Variants in MAGI2 observed in about 807,000 individuals in gnomAD.
MAGI2 encodes the protein membrane associated guanylate kinase, WW and PDZ domain containing 2.
MAGI2 carries 35 observed loss-of-function variants against 133.3 expected under a neutral mutation model. The observed-to-expected ratio is 0.26, with a 90% CI of 0.20 to 0.35. The LOEUF (loss-of-function observed/expected upper bound fraction) is 0.35, where lower values mean the gene tolerates loss of function less well. MAGI2 is among the 10% of genes least tolerant of loss of function. The probability of loss-of-function intolerance (pLI) is 1.00; values close to 1 mark genes in which losing one functional copy is unlikely to be tolerated. For missense variants in MAGI2, 1,636 were observed against 1,863.4 expected (o/e 0.88, Z 2.25); for synonymous variants, 729 against 710.6 (o/e 1.03, Z -0.41).
chr7:79,301,021 G>T (rs562800481), intron 1 of MAGI2, among the ~76,000 whole-genome samples: 2 of 152,250 alleles, frequency 1.3e-5, no homozygotes, highest in African/African-American at 4.8e-5. Context: ...CTTGAGGCTT[G>T]GGAGCCTCCA....
At chr7:78,925,192 G>C (rs536417233) in intron 2 of MAGI2, among the ~76,000 whole-genome samples, 5 of 152,086 alleles carry the variant, frequency 3.3e-5, no homozygotes, top group Admixed American at 3.3e-4. Flanking sequence ...CCTTGAGTTT[G>C]CAATGGCAGT....
intron 1 of MAGI2, chr7:79,353,528 G>C: frequency 2.2e-6 from 1 of 454,494 alleles, no homozygotes; most frequent in South Asian, 1.6e-5. Context: ...ATCTCCTGCA[G>C]CTATGGCCAC....
intron 9 of MAGI2, among the ~76,000 whole-genome samples, chr7:78,334,392 A>G (rs1789537012): frequency 6.6e-6 from 1 of 152,244 alleles, no homozygotes; most frequent in South Asian, 2.1e-4. Context: ...GCTATGGGAT[A>G]GAATTTCCTG....
chr7:78,626,516 C>T (rs1314545983), intron 3 of MAGI2, among the ~76,000 whole-genome samples: 1 of 152,170 alleles, frequency 6.6e-6, no homozygotes, highest in Admixed American at 6.5e-5. Context: ...GCTTCTTCCA[C>T]TGAGGCATAT....
At chr7:79,178,388 A>G (rs1200929303) in intron 1 of MAGI2, among the ~76,000 whole-genome samples, 1 of 152,020 alleles carries the variant, frequency 6.6e-6, no homozygotes. Context: ...TCCCTATGAA[A>G]GAGTGGAAAA....
chr7:78,019,416 G>C lies in MAGI2; in HGVS notation c.4267C>G (p.Pro1423Ala). 4 of 1,120,044 alleles carry C rather than the reference G, an allele frequency of 3.6e-6. No homozygotes were observed. Among genetic ancestry groups the C allele is most frequent in the Non-Finnish European group, 4.4e-6 (4 of 918,772 alleles). The allele number at this position is 1,120,044 out of a possible 1,614,324, so 69.4% of individuals were successfully genotyped here. A position where few individuals can be genotyped will look rare whatever the true frequency, so the allele number is the denominator to read the frequency against. ...RPGPRPPGGAPARKAAVAPGP... is the reference protein window; with the variant it reads ...RPGPRPPGGAAARKAAVAPGP... ...GGCGCGACGGCGGCCTTGCGCGCCG[G>C]GGCGCCCCCCGGGGGTCGCGGGCCC... The change falls in exon 22 of 22, where the codon CCG becomes GCG. Residue 1423 changes from proline to alanine, a missense_variant. Coordinates refer to ENST00000354212, the MANE Select transcript of MAGI2 (RefSeq NM_012301.4).
At chr7:79,367,693 C>T (rs1197245698) in intron 1 of MAGI2, among the ~76,000 whole-genome samples, 2 of 151,700 alleles carry the variant, frequency 1.3e-5, no homozygotes, top group African/African-American at 4.9e-5. Flanking sequence ...ATACAAGATT[C>T]TTATCCATTT....
At chr7:78,760,518 G>A (rs890484922) in intron 2 of MAGI2, among the ~76,000 whole-genome samples, 2 of 151,812 alleles carry the variant, frequency 1.3e-5, no homozygotes, top group African/African-American at 2.4e-5. Context: ...ATGCACCACC[G>A]TACCTGGCTA....
At chr7:78,356,368 G>A (rs1031824002) in intron 7 of MAGI2, among the ~76,000 whole-genome samples, 2 of 152,112 alleles carry the variant, frequency 1.3e-5, no homozygotes, top group African/African-American at 4.8e-5. Context: ...AAAGGATATA[G>A]ACTTACAGCT....
chr7:79,339,066 AG>A (rs754751312), intron 1 of MAGI2, among the ~76,000 whole-genome samples: 262 of 152,290 alleles, frequency 1.7e-3, no homozygotes, highest in Non-Finnish European at 2.7e-3. Context: ...AATAAGTACA[AG>A]GAGGAGCATG....
At chr7:78,143,704 T>C (rs1173497536) in intron 16 of MAGI2, among the ~76,000 whole-genome samples, 1 of 152,154 alleles carries the variant, frequency 6.6e-6, no homozygotes, top group Non-Finnish European at 1.5e-5. Flanking sequence ...ATTTAAAAAA[T>C]CGTATGTCAT....
chr7:78,161,875 T>G (rs572358518), intron 15 of MAGI2, among the ~76,000 whole-genome samples: 2 of 152,174 alleles, frequency 1.3e-5, no homozygotes, highest in Non-Finnish European at 2.9e-5. Context: ...AGATGGATGC[T>G]TTTTGTAAGA....
chr7:79,294,186 A>G (rs1836728265), intron 1 of MAGI2, among the ~76,000 whole-genome samples: 2 of 151,938 alleles, frequency 1.3e-5, no homozygotes, highest in South Asian at 4.2e-4. Context: ...TCAAAAAAAA[A>G]AAAAAAAAAG....
chr7:78,868,762 C>CTT (rs202122901), intron 2 of MAGI2, among the ~76,000 whole-genome samples: 9 of 150,828 alleles, frequency 6.0e-5, no homozygotes, highest in South Asian at 2.1e-4. Context: ...GTAATACATA[C>CTT]TTTTTTTTTG....
intron 2 of MAGI2, among the ~76,000 whole-genome samples, chr7:78,729,199 C>T (rs1344986124): frequency 6.6e-6 from 1 of 152,080 alleles, no homozygotes; most frequent in African/African-American, 2.4e-5. Context: ...ATATCCAAAC[C>T]ACTGGGATAC....
chr7:78,575,965 C>A (rs1802224117), intron 3 of MAGI2, among the ~76,000 whole-genome samples: 1 of 152,010 alleles, frequency 6.6e-6, no homozygotes, highest in Admixed American at 6.6e-5. Context: ...GACAAACATA[C>A]CACACTAATG....
At chr7:78,089,168 G>A (rs746060044) in intron 20 of MAGI2, among the ~76,000 whole-genome samples, 2 of 152,218 alleles carry the variant, frequency 1.3e-5, no homozygotes, top group East Asian at 1.9e-4. Context: ...AGAACTGTAA[G>A]ACAATCGATT....
At chr7:78,319,349 C>T (rs1787755357) in intron 9 of MAGI2, among the ~76,000 whole-genome samples, 1 of 152,050 alleles carries the variant, frequency 6.6e-6, no homozygotes, top group Non-Finnish European at 1.5e-5. Flanking sequence ...CCCCTCATCA[C>T]ACTTATTCTA....
rs373862837 is a variant in MAGI2 at position 79,016,002 on chromosome 7, G to GC, written c.302-8797_302-8796insG. ...CCTCAATGACTCCTGGAGAAGCGGGGGGGGGGGGTGGGGGTTGAGCAGGCA... is the reference window on the plus strand; with the variant it reads ...CCTCAATGACTCCTGGAGAAGCGGGGCGGGGGGGGTGGGGGTTGAGCAGGCA... On this transcript the variant is annotated intron_variant, in intron 1 of 21. Transcript: ENST00000354212. Among the ~76,000 whole-genome samples, 5 of 111,598 alleles carry GC rather than the reference G, an allele frequency of 4.5e-5. No homozygotes were observed. The South Asian group carries it at 1.9e-3, about 42-fold the overall frequency. 73.2% of individuals were successfully genotyped at this position (111,598 alleles called of 152,430 possible).
Sources: allele counts gnomAD v4.1 joint callset (sites outside exome capture counted in the v4.1 genomes callset), GRCh38; gene constraint gnomAD v4.1.1; transcripts MANE v1.5; gene names NCBI Gene and HGNC (gene_info 2026-07-23, HGNC 2026-07-21).